Variants in TMTC4 observed in about 807,000 individuals in gnomAD.
The protein encoded by TMTC4 is protein O-mannosyl-transferase TMTC4.
TMTC4 carries 65 observed loss-of-function variants against 86.0 expected under a neutral mutation model. The ratio of observed to expected loss-of-function variants is 0.76; its 90% CI spans 0.62 to 0.93. The LOEUF (loss-of-function observed/expected upper bound fraction) is 0.93. TMTC4 is among the 40% of genes least tolerant of loss of function. The pLI, the probability that TMTC4 is intolerant of heterozygous loss-of-function variation, is 0.00. For synonymous variants in TMTC4, 379 were observed against 382.5 expected, an observed-to-expected ratio of 0.99 and a Z score of 0.11; for missense variants, 866 against 948.1, an observed-to-expected ratio of 0.91 and a Z score of 1.14.
intron 6 of TMTC4, among the ~76,000 whole-genome samples, chr13:100,655,071 G>C (rs1451661619): frequency 1.4e-5 from 2 of 147,204 alleles, no homozygotes; most frequent in Non-Finnish European, 3.0e-5. Flanking sequence ...ACCCAGGCTG[G>C]AGTGCAGTGG....
chr13:100,674,208 G>T, intron 1 of TMTC4: 1 of 981,920 alleles, frequency 1.0e-6, no homozygotes, highest in Non-Finnish European at 1.2e-6. Context: ...GCGCCGCTCC[G>T]CTCCGCAGCC....
chr13:100,628,281 T>C (rs72661064), intron 12 of TMTC4, among the ~76,000 whole-genome samples: 21,278 of 152,222 alleles, frequency 0.14, 1,899 homozygotes, highest in East Asian at 0.24. Flanking sequence ...CTCATGTAAG[T>C]GGAATTGTAC....
rs147262649 is a variant in TMTC4, at chr13:100,635,167, C to T, written c.1231G>A (p.Val411Ile). The T allele has an allele frequency of 4.3e-5, 69 of 1,610,286 alleles. No homozygotes were observed. The highest frequency in any genetic ancestry group is 2.2e-4 in the East Asian group (10 of 44,760). ...RILTLGLGFL[V>I]IPFLPASNLF... ...TTACTCGCGGGGAGAAATGGGATAACGAGAAATCCCAGGCCCAGAGTAAGG... is the reference window on the plus strand; with the variant it reads ...TTACTCGCGGGGAGAAATGGGATAATGAGAAATCCCAGGCCCAGAGTAAGG... The change falls in exon 11 of 19, where the codon GTT (valine) becomes ATT (isoleucine). Residue 411 changes from valine to isoleucine, a missense_variant. Val to Ile is a conservative substitution (Grantham distance 29). Transcript: ENST00000342624.
intron 5 of TMTC4, among the ~76,000 whole-genome samples, chr13:100,662,103 C>T (rs946861595): frequency 3.3e-5 from 5 of 151,866 alleles, no homozygotes; most frequent in Non-Finnish European, 7.4e-5. Context: ...GAGATGCAGC[C>T]TCCAGGCCTC....
At chr13:100,623,222 T>C (rs559741822) in intron 15 of TMTC4, among the ~76,000 whole-genome samples, 58 of 152,156 alleles carry the variant, frequency 3.8e-4, no homozygotes, top group Admixed American at 3.1e-3. Flanking sequence ...GGTGATTCAT[T>C]ATTGTTATTT....
chr13:100,614,380 G>T lies in TMTC4; in HGVS notation c.1887C>A (p.Ala629=). 6.2e-7 allele frequency: 1 copy of T among 1,613,350 alleles called. No individual in the cohort carries two copies. Among genetic ancestry groups the T allele is most frequent in the Non-Finnish European group, 8.5e-7 (1 of 1,179,902 alleles). Residue 629 remains alanine (A), a synonymous_variant, in exon 16 of 19, where the codon GCC becomes GCA. Coordinates refer to ENST00000342624, the MANE Select transcript of TMTC4 (RefSeq NM_032813.5). ...HVDALNAWRN[A]TVLKPEHSLA... is the part of the protein sequence containing the mutation. ...GGCTGTGCTCTGGTTTCAGCACGGT[G>T]GCATTTCTCCACGCATTCAAGGCAT...
At chr13:100,616,061 G>A (rs1878434368) in intron 15 of TMTC4, among the ~76,000 whole-genome samples, 1 of 144,358 alleles carries the variant, frequency 6.9e-6, no homozygotes, top group Admixed American at 6.8e-5. Flanking sequence ...CAAAGGACAT[G>A]ATTTTTTTTT....
chr13:100,667,895 CA>C (rs1291261003), intron 3 of TMTC4, among the ~76,000 whole-genome samples: 1 of 152,198 alleles, frequency 6.6e-6, no homozygotes, highest in Non-Finnish European at 1.5e-5. Flanking sequence ...TCTTTTCCCA[CA>C]AACCTCTTTC....
At chr13:100,618,856 CG>C (rs1369270048) in intron 15 of TMTC4, among the ~76,000 whole-genome samples, 7 of 152,298 alleles carry the variant, frequency 4.6e-5, no homozygotes, top group African/African-American at 1.7e-4. Context: ...TTTCTTAGTA[CG>C]GAACAAAATG....
chr13:100,605,078 C>G lies in TMTC4; in HGVS notation c.2199G>C (p.Gln733His). 1 of 1,614,074 alleles carries G rather than the reference C, an allele frequency of 6.2e-7. No homozygotes were observed. The highest frequency in any genetic ancestry group is 8.5e-7 in the Non-Finnish European group (1 of 1,179,994). ...LAKKHYEISL[Q>H]LDPTASGTKE... ...TAGTTCCTGATGCCGTGGGGTCAAG[C>G]TGCAAGGAGATTTCATAGTGTTTCT... Residue 733 changes from glutamine to histidine, a missense_variant, in exon 19 of 19, where the codon CAG (glutamine) becomes CAC (histidine). Gln to His is a conservative substitution (Grantham distance 24, BLOSUM62 0). Transcript: ENST00000342624. This position sits in a 1 kb window ranked among gnomAD's most constrained non-coding sequence, Gnocchi z 4.3.
At chr13:100,672,275 C>T (rs188819366) in intron 1 of TMTC4, among the ~76,000 whole-genome samples, 13 of 152,318 alleles carry the variant, frequency 8.5e-5, no homozygotes, top group African/African-American at 1.7e-4. Context: ...CTGAGAAAGG[C>T]GGGCCCTTCT....
At chr13:100,655,569 C>T (rs1277045040) in intron 6 of TMTC4, among the ~76,000 whole-genome samples, 1 of 152,154 alleles carries the variant, frequency 6.6e-6, no homozygotes, top group African/African-American at 2.4e-5. Context: ...TCTCTGGCGG[C>T]TGTGTCTCTT....
intron 6 of TMTC4, among the ~76,000 whole-genome samples, chr13:100,642,863 T>A (rs910012252): frequency 6.6e-6 from 1 of 152,148 alleles, no homozygotes; most frequent in African/African-American, 2.4e-5. Flanking sequence ...TACCAAAGGA[T>A]ACACAGCTAC....
At chr13:100,669,177 A>G (rs1423608472) in intron 2 of TMTC4, among the ~76,000 whole-genome samples, 1 of 152,216 alleles carries the variant, frequency 6.6e-6, no homozygotes, top group East Asian at 1.9e-4. Flanking sequence ...AAAATTAATA[A>G]ATAGTCATTG....
chr13:100,612,604 C>A, intron 16 of TMTC4, 94 bp from the exon 17 acceptor site: 1 of 828,684 alleles, frequency 1.2e-6, no homozygotes, highest in East Asian at 2.7e-5. Context: ...GTGCACAGCA[C>A]ATGACAATTA....
intron 16 of TMTC4, among the ~76,000 whole-genome samples, chr13:100,613,835 A>ACC (rs1566561935): frequency 1.0e-4 from 1 of 9,972 alleles, no homozygotes; most frequent in Non-Finnish European, 1.9e-4. Context: ...TCTCCCCCCT[A>ACC]CCCGCCCCCC....
At chr13:100,637,517 G>A in intron 9 of TMTC4, 21 bp downstream of exon 9, 7 of 1,597,754 alleles carry the variant, frequency 4.4e-6, no homozygotes, top group Non-Finnish European at 6.0e-6. Context: ...GAGTCCAGGG[G>A]GCGGCAGGCT....
At chr13:100,648,263 G>A (rs1642475780) in intron 6 of TMTC4, among the ~76,000 whole-genome samples, 1 of 151,994 alleles carries the variant, frequency 6.6e-6, no homozygotes, top group African/African-American at 2.4e-5. Flanking sequence ...TGCTTGAAAT[G>A]TATCTAGTCC....
intron 1 of TMTC4, 139 bp from the exon 2 acceptor site, chr13:100,670,708 GGAGGCC>G (rs1296791276): frequency 5.8e-5 from 14 of 240,794 alleles, no homozygotes; most frequent in Non-Finnish European, 1.0e-4. Context: ...CAGCACTTTG[GGAGGCC>G]GAGGCCGGTG....
Sources: gnomAD v4.1 joint callset for allele counts (sites outside exome capture counted in the v4.1 genomes callset) on GRCh38, gnomAD v4.1.1 for gene constraint, Gnocchi (gnomAD v3.1) non-coding constraint, MANE v1.5 for transcripts, NCBI Gene and HGNC (gene_info 2026-07-23, HGNC 2026-07-21) for gene names.